SMARCA2: variants seen among roughly 807,000 people sequenced by gnomAD.
SMARCA2 encodes the protein SWI/SNF related BAF chromatin remodeling complex subunit ATPase 2, also known as SWI/SNF-related matrix-associated actin-dependent regulator of chromatin subfamily A member 2.
SMARCA2 carries 61 observed loss-of-function variants against 199.8 expected under a neutral mutation model. That is an observed-to-expected ratio of 0.31 (90% CI 0.25 to 0.38). The LOEUF (loss-of-function observed/expected upper bound fraction) is 0.38, where lower values mean the gene tolerates loss of function less well. Ranked by LOEUF, SMARCA2 falls within the 10% of genes least tolerant of loss-of-function variation. The pLI is 1.00. For synonymous variants in SMARCA2, 935 were observed against 732.0 expected, an observed-to-expected ratio of 1.28 and a Z score of -4.48; for missense variants, 1,344 against 2,012.2, an observed-to-expected ratio of 0.67 and a Z score of 6.35.
intron 29 of SMARCA2, chr9:2,181,133 C>T (rs1018506210): frequency 6.5e-6 from 1 of 152,948 alleles, no homozygotes; most frequent in Non-Finnish European, 1.4e-5. Context: ...TTTCTAAATA[C>T]AATGTGAATT....
At chr9:2,190,814 A>G (rs955014715) in intron 32 of SMARCA2, among the ~76,000 whole-genome samples, 1 of 152,212 alleles carries the variant, frequency 6.6e-6, no homozygotes, top group African/African-American at 2.4e-5. Flanking sequence ...ATATGATTGA[A>G]CTATTTGAAT....
rs1397199529 is a variant in SMARCA2 at position 2,039,764 on chromosome 9, A to G, written c.654A>G (p.Gln218=). 2 of 1,610,416 alleles carry G rather than the reference A, an allele frequency of 1.2e-6. No individual in the cohort carries two copies. The highest frequency in any genetic ancestry group is 1.7e-6 in the Non-Finnish European group (2 of 1,178,852). ...GKRTLPGLQQ[Q]QQQQQQQQQQ... is the part of the protein sequence containing the mutation. ...GGACGTTGCCTGGCTTGCAGCAACAACAGCAGCAGCAACAGCAGCAGCAGC... is the reference window on the plus strand; with the variant it reads ...GGACGTTGCCTGGCTTGCAGCAACAGCAGCAGCAGCAACAGCAGCAGCAGC... Residue 218 remains glutamine (Q), a synonymous_variant, in exon 4 of 34, where the codon CAA becomes CAG. Transcript: ENST00000349721. The surrounding 1 kb of genome is among the most constrained non-coding windows in gnomAD (Gnocchi z 4.8).
intron 5 of SMARCA2, among the ~76,000 whole-genome samples, chr9:2,053,110 C>T (rs997883253): frequency 4.6e-5 from 7 of 152,156 alleles, no homozygotes; most frequent in African/African-American, 1.7e-4. Flanking sequence ...AGTTTTTCAT[C>T]CCTTCCTGCG....
At chr9:2,175,874 T>G (rs559010893) in intron 29 of SMARCA2, among the ~76,000 whole-genome samples, 18 of 151,136 alleles carry the variant, frequency 1.2e-4, no homozygotes, top group African/African-American at 2.0e-4. Context: ...TTTGGGTTTT[T>G]TTTGTTTGTT....
intron 27 of SMARCA2, among the ~76,000 whole-genome samples, chr9:2,155,215 C>CTT (rs1825288535): frequency 1.3e-5 from 2 of 152,120 alleles, no homozygotes; most frequent in Non-Finnish European, 2.9e-5. Context: ...TTTAATACTG[C>CTT]TTAAAAGGTA....
At chr9:2,082,499 G>C (rs1415215894) in intron 15 of SMARCA2, among the ~76,000 whole-genome samples, 1 of 152,130 alleles carries the variant, frequency 6.6e-6, no homozygotes, top group African/African-American at 2.4e-5. Flanking sequence ...GTTTCAATGA[G>C]TTTGCTGCTT....
intron 25 of SMARCA2, among the ~76,000 whole-genome samples, chr9:2,117,753 C>T (rs1351400558): frequency 6.6e-6 from 1 of 152,214 alleles, no homozygotes; most frequent in African/African-American, 2.4e-5. Context: ...CGTGCACTCC[C>T]CTCCCAGTTG....
intron 29 of SMARCA2, among the ~76,000 whole-genome samples, chr9:2,180,816 C>T (rs1051437848): frequency 2.6e-5 from 4 of 152,136 alleles, no homozygotes; most frequent in Non-Finnish European, 4.4e-5. Flanking sequence ...TGCTATAGAA[C>T]CTGCTTTCAA....
intron 9 of SMARCA2, among the ~76,000 whole-genome samples, chr9:2,065,215 C>T (rs1459307483): frequency 1.3e-5 from 2 of 152,134 alleles, no homozygotes; most frequent in Non-Finnish European, 2.9e-5. Context: ...TTCAGAGGTT[C>T]AGTTTCCAGA....
intron 19 of SMARCA2, among the ~76,000 whole-genome samples, chr9:2,095,702 C>G (rs1248020006): frequency 6.6e-6 from 1 of 152,194 alleles, no homozygotes; most frequent in Non-Finnish European, 1.5e-5. Context: ...AAGGAATATT[C>G]AAGTTCTCTG....
At chr9:2,175,553 T>A (rs2129790639) in intron 29 of SMARCA2, among the ~76,000 whole-genome samples, 1 of 152,348 alleles carries the variant, frequency 6.6e-6, no homozygotes, top group South Asian at 2.1e-4. Context: ...CTGCTTATGG[T>A]GATAAAAATA....
chr9:2,083,360 T>G lies in SMARCA2; in HGVS notation c.2362T>G (p.Trp788Gly). ...TTTGTTCCATAGGACTCTATCTAAC[T>G]GGACATATGAATTTGACAAATGGGC... The part of the protein sequence containing the change: ...IIVPLSTLSN[W>G]TYEFDKWAPS... The change falls in exon 16 of 34, where the codon TGG (tryptophan) becomes GGG (glycine). Residue 788 changes from tryptophan to glycine, a missense_variant. Coordinates refer to ENST00000349721, the MANE Select transcript of SMARCA2 (RefSeq NM_003070.5). The G allele has an allele frequency of 6.3e-7, 1 of 1,597,124 alleles. No individual in the cohort carries two copies. Among genetic ancestry groups the G allele is most frequent in the East Asian group, 2.2e-5 (1 of 44,670 alleles).
chr9:2,058,507 C>T (rs375097198), intron 8 of SMARCA2, 43 bp downstream of exon 8: 53 of 1,535,818 alleles, frequency 3.5e-5, no homozygotes, highest in East Asian at 6.8e-5. Context: ...ACTCAACCCA[C>T]GTCCGTCTGC....
chr9:2,109,639 G>C (rs1313149835), intron 23 of SMARCA2, among the ~76,000 whole-genome samples: 2 of 151,954 alleles, frequency 1.3e-5, no homozygotes, highest in East Asian at 1.9e-4. Context: ...TTGTGGGGGG[G>C]GTGGGGATTA....
At chr9:2,176,437 G>C (rs192520919) in intron 29 of SMARCA2, among the ~76,000 whole-genome samples, 1 of 152,184 alleles carries the variant, frequency 6.6e-6, no homozygotes, top group Admixed American at 6.5e-5. Flanking sequence ...CAAAGTCTTG[G>C]TGCCTTTCTT....
intron 8 of SMARCA2, among the ~76,000 whole-genome samples, chr9:2,060,443 T>C (rs1563739991): frequency 6.6e-6 from 1 of 152,212 alleles, no homozygotes; most frequent in Non-Finnish European, 1.5e-5. Flanking sequence ...TTGATTATAT[T>C]TGAAAATGTC....
chr9:2,161,986 G>A lies in SMARCA2; in HGVS notation c.4199+83G>A, dbSNP rs1825705860. On this transcript the variant is annotated intron_variant, in intron 28 of 33. Coordinates refer to ENST00000349721, the MANE Select transcript of SMARCA2 (RefSeq NM_003070.5). This position sits in a 1 kb window ranked among gnomAD's most constrained non-coding sequence, Gnocchi z 4.7. The stretch of plus-strand genomic sequence containing the variant: ...CCTGAGGAGCAGGAGTTGTTAAGTT[G>A]TGCACTTAGGTTTTATTAAGGTTCT... The A allele has an allele frequency of 1.3e-5, 14 of 1,092,140 alleles. No individual in the cohort carries two copies. The highest frequency in any genetic ancestry group is 1.7e-5 in the Non-Finnish European group (13 of 752,126). The allele number at this position is 1,092,140 out of a possible 1,614,324, so 67.7% of individuals were successfully genotyped here.
chr9:2,135,403 A>C lies in SMARCA2; in HGVS notation c.3981+11466A>C, dbSNP rs140727665. 2.7e-4 allele frequency among the ~76,000 whole-genome samples: 41 copies of C among 152,310 alleles called. 1 individual carries two copies. In the East Asian group the frequency reaches 7.5e-3, roughly 28 times the overall value. ...ATCACAAAATAATATTTTACCAACT[A>C]TCTGGGCATCCCTTAGCCCAGTCAA... is the stretch of plus-strand genomic sequence containing the variant. On this transcript the variant is annotated intron_variant, in intron 27 of 33. Coordinates refer to ENST00000349721, the MANE Select transcript of SMARCA2 (RefSeq NM_003070.5).
intron 8 of SMARCA2, among the ~76,000 whole-genome samples, chr9:2,059,313 G>C (rs1160716415): frequency 6.6e-6 from 1 of 152,138 alleles, no homozygotes; most frequent in South Asian, 2.1e-4. Context: ...TTCCTGGCTG[G>C]TATTACAGTT....
Sources: gnomAD v4.1 joint callset for allele counts (sites outside exome capture counted in the v4.1 genomes callset) on GRCh38, gnomAD v4.1.1 for gene constraint, Gnocchi (gnomAD v3.1) non-coding constraint, MANE v1.5 for transcripts, NCBI Gene and HGNC (gene_info 2026-07-23, HGNC 2026-07-21) for gene names.